CCDC171: variants seen among roughly 807,000 people sequenced by gnomAD.
CCDC171 encodes the protein coiled-coil domain containing 171.
Under a neutral mutation model 168.2 loss-of-function variants are expected in CCDC171, and 177 were observed. The ratio of observed to expected loss-of-function variants is 1.05; its 90% confidence interval spans 0.93 to 1.19. CCDC171 has a LOEUF of 1.19. Ranked by LOEUF, CCDC171 falls within the 50% of genes most tolerant of loss-of-function variation. The probability of loss-of-function intolerance (pLI) is 0.00; values close to 1 mark genes in which losing one functional copy is unlikely to be tolerated. For missense variants in CCDC171, 1,991 were observed against 1,539.0 expected (o/e 1.29, Z -4.91); for synonymous variants, 687 against 540.8 (o/e 1.27, Z -3.75).
chr9:15,824,143 A>C (rs2059913423), intron 21 of CCDC171, among the ~76,000 whole-genome samples: 1 of 152,056 alleles, frequency 6.6e-6, no homozygotes, highest in South Asian at 2.1e-4. Context: ...AAAACATGAC[A>C]TATTGGCTTT....
At chr9:15,794,768 G>A (rs76358144) in intron 21 of CCDC171, among the ~76,000 whole-genome samples, 2,902 of 152,290 alleles carry the variant, frequency 0.019, 108 homozygotes, top group African/African-American at 0.066. Flanking sequence ...CTTGGGTTAT[G>A]TTTTAGTATT....
At chr9:15,762,520 A>G (rs2056502972) in intron 18 of CCDC171, among the ~76,000 whole-genome samples, 1 of 152,192 alleles carries the variant, frequency 6.6e-6, no homozygotes, top group African/African-American at 2.4e-5. Flanking sequence ...AATTTAGGAA[A>G]AAATACAAAT....
the CCDC171 span, among the ~76,000 whole-genome samples, chr9:16,089,544 T>A: frequency 6.6e-6 from 1 of 151,940 alleles, no homozygotes; most frequent in Non-Finnish European, 1.5e-5. Context: ...TATCTTGTGT[T>A]AATTTTTTTA....
At chr9:16,002,291 TTGC>T (rs1371623296) in intron 3 of CCDC171, among the ~76,000 whole-genome samples, 1 of 152,046 alleles carries the variant, frequency 6.6e-6, no homozygotes, top group Admixed American at 6.5e-5. Context: ...ATGTGTGTTA[TTGC>T]TCCTGGAGAC....
At chr9:15,693,261 C>G (rs995300852) in intron 10 of CCDC171, among the ~76,000 whole-genome samples, 1 of 152,116 alleles carries the variant, frequency 6.6e-6, no homozygotes, top group Admixed American at 6.5e-5. Flanking sequence ...GTATATTAAA[C>G]ATACTGTCAA....
At chr9:15,688,136 AAAAG>A (rs1564211926) in intron 10 of CCDC171, among the ~76,000 whole-genome samples, 1 of 146,088 alleles carries the variant, frequency 6.8e-6, no homozygotes, top group African/African-American at 2.6e-5. Flanking sequence ...AAAAAAAAAA[AAAAG>A]AAAGAAAGAA....
intron 24 of CCDC171, among the ~76,000 whole-genome samples, chr9:15,881,426 A>G (rs942731113): frequency 1.3e-5 from 2 of 152,206 alleles, no homozygotes; most frequent in African/African-American, 4.8e-5. Context: ...AGTTCAAATC[A>G]GTGTGCTTGG....
chr9:16,065,958 C>T (rs993768289), downstream of CCDC171, among the ~76,000 whole-genome samples: 2 of 152,046 alleles, frequency 1.3e-5, no homozygotes, highest in Non-Finnish European at 2.9e-5. Flanking sequence ...TCAGACAGTG[C>T]AGAAATTATC....
intron 7 of CCDC171, among the ~76,000 whole-genome samples, chr9:15,651,931 A>G (rs534709790): frequency 6.6e-6 from 1 of 152,160 alleles, no homozygotes; most frequent in Non-Finnish European, 1.5e-5. Context: ...TTTTTGAGAC[A>G]GGGTCTTGCT....
chr9:15,963,351 G>C (rs1351965196), intron 25 of CCDC171, among the ~76,000 whole-genome samples: 1 of 151,236 alleles, frequency 6.6e-6, no homozygotes, highest in Non-Finnish European at 1.5e-5. Context: ...CACTCTTAAA[G>C]TTAAAAAAAA....
At chr9:15,770,302 C>T (rs538682392) in intron 18 of CCDC171, among the ~76,000 whole-genome samples, 5 of 152,288 alleles carry the variant, frequency 3.3e-5, no homozygotes, top group Admixed American at 1.3e-4. Context: ...TTCTAAAAAA[C>T]TATCTTTATC....
In CCDC171 at chr9:15,771,031, T is replaced by C. The variant is rs148408304; in HGVS notation, c.2672-6569T>C. 1.0e-3 allele frequency among the ~76,000 whole-genome samples: 153 copies of C among 152,334 alleles called. 2 individuals carry two copies. Among genetic ancestry groups the C allele is most frequent in the African/African-American group, 3.4e-3 (140 of 41,590 alleles). The stretch of plus-strand genomic sequence containing the variant: ...TTTTTTAATATCAATAAAATAAATC[T>C]ATATCATTAATTGTATTTAGTTACA... On this transcript the variant is annotated intron_variant, in intron 18 of 25. Transcript: ENST00000380701.
At chr9:15,665,782 TA>T (rs1230397169) in intron 8 of CCDC171, among the ~76,000 whole-genome samples, 1 of 152,134 alleles carries the variant, frequency 6.6e-6, no homozygotes, top group African/African-American at 2.4e-5. Context: ...CCTTGTCTCT[TA>T]AAAAACCCAA....
the CCDC171 span, among the ~76,000 whole-genome samples, chr9:16,078,488 A>G: frequency 1.3e-5 from 2 of 152,228 alleles, no homozygotes; most frequent in African/African-American, 4.8e-5. Flanking sequence ...GGCTTGGTTA[A>G]GAGTGAGCAG....
chr9:16,058,847 C>A (rs1373985948), intron 1 of CCDC171, among the ~76,000 whole-genome samples: 1 of 152,204 alleles, frequency 6.6e-6, no homozygotes, highest in Non-Finnish European at 1.5e-5. Flanking sequence ...GCAGGATTGA[C>A]CCTGGGAAAA....
rs141024117 is a variant in CCDC171, at chr9:15,854,002, A to C, written c.3468+5055A>C. Reference sequence around the variant, plus strand: ...AATATGCTGCTAGGTTTGGTTTGCTAGGTTTTTTTTTTTTTTTTGAGGGTT... The same window carrying C: ...AATATGCTGCTAGGTTTGGTTTGCTCGGTTTTTTTTTTTTTTTTGAGGGTT... On this transcript the variant is annotated intron_variant, in intron 23 of 25. Transcript: ENST00000380701. 1.9e-3 allele frequency among the ~76,000 whole-genome samples: 272 copies of C among 142,744 alleles called. 2 individuals carry two copies. The highest frequency in any genetic ancestry group is 6.9e-3 in the African/African-American group (255 of 37,200). The allele number at this position is 142,744 out of a possible 152,430, so 93.6% of individuals were successfully genotyped here.
intron 3 of CCDC171, among the ~76,000 whole-genome samples, chr9:16,017,229 T>C (rs2133008959): frequency 6.6e-6 from 1 of 152,306 alleles, no homozygotes; most frequent in East Asian, 1.9e-4. Flanking sequence ...AATACTATTT[T>C]CCCATTTTTA....
intron 24 of CCDC171, among the ~76,000 whole-genome samples, chr9:15,898,011 C>G (rs1204878747): frequency 1.3e-5 from 2 of 152,152 alleles, no homozygotes; most frequent in Non-Finnish European, 2.9e-5. Flanking sequence ...ATGAGTCTTA[C>G]AGCATTATTG....
At chr9:15,902,989 C>T (rs111294242) in intron 24 of CCDC171, among the ~76,000 whole-genome samples, 11 of 152,304 alleles carry the variant, frequency 7.2e-5, no homozygotes, top group East Asian at 1.9e-4. Context: ...GGGGGAGGGG[C>T]GCTCGCCATT....
Sources: gnomAD v4.1 joint callset for allele counts (sites outside exome capture counted in the v4.1 genomes callset) on GRCh38, gnomAD v4.1.1 for gene constraint, MANE v1.5 for transcripts, NCBI Gene and HGNC (gene_info 2026-07-23, HGNC 2026-07-21) for gene names.